Variants in SDK2 observed in about 807,000 individuals in gnomAD.
SDK2 encodes the protein protein sidekick-2.
A neutral mutation model predicts 253.9 loss-of-function variants in SDK2; 105 were observed. That is an observed-to-expected ratio of 0.41 (90% CI 0.35 to 0.49). The LOEUF is 0.49. SDK2 is among the 20% of genes least tolerant of loss of function. SDK2 has a pLI of 0.06. For synonymous variants in SDK2, 1,249 were observed against 1,234.9 expected, an observed-to-expected ratio of 1.01 and a Z score of -0.24; for missense variants, 2,608 against 3,003.0, an observed-to-expected ratio of 0.87 and a Z score of 3.07.
chr17:73,437,599 CTGCTCAGACAG>C (rs1180280486), intron 8 of SDK2, 129 bp downstream of exon 8: 1 of 757,928 alleles, frequency 1.3e-6, no homozygotes, highest in Non-Finnish European at 2.3e-6. Flanking sequence ...CCTGGGGTGC[CTGCTCAGACAG>C]CCAGACAGAC....
chr17:73,581,302 T>C (rs1414057943), intron 1 of SDK2, among the ~76,000 whole-genome samples: 1 of 152,226 alleles, frequency 6.6e-6, no homozygotes, highest in Non-Finnish European at 1.5e-5. Flanking sequence ...GCAAACTAGG[T>C]AGCCAGTCCC....
At chr17:73,448,133 C>T (rs1352635467) in intron 4 of SDK2, among the ~76,000 whole-genome samples, 2 of 152,214 alleles carry the variant, frequency 1.3e-5, no homozygotes, top group African/African-American at 2.4e-5. Context: ...GCATGATGTA[C>T]ATCCAGACAC....
chr17:73,573,144 C>T lies in SDK2; in HGVS notation c.65-65547G>A, dbSNP rs144469525. ...CCATCCTCCACTTCCTCACAATCAGCACCCCCAGACACCTTCCCAATGTCT... is the reference window on the plus strand; with the variant it reads ...CCATCCTCCACTTCCTCACAATCAGTACCCCCAGACACCTTCCCAATGTCT... On this transcript the variant is annotated intron_variant, in intron 1 of 44. Transcript: ENST00000392650. Among the ~76,000 whole-genome samples the T allele has an allele frequency of 3.5e-4, 53 of 152,314 alleles. No homozygotes were observed. In the East Asian group the frequency reaches 0.01, roughly 29 times the overall value.
At position 73,534,178 on chromosome 17, in the gene SDK2, A is replaced by G. The variant is rs2064195369; in HGVS notation, c.65-26581T>C. 6.6e-6 allele frequency among the ~76,000 whole-genome samples: 1 copy of G among 152,222 alleles called. No individual in the cohort carries two copies. Among genetic ancestry groups the G allele is most frequent in the South Asian group, 2.1e-4 (1 of 4,832 alleles). ...TTATTCAGCAACCACGGGACAATGC[A>G]GTGCAATGGCTGGTAGGAGAGACTC... On this transcript the variant is annotated intron_variant, in intron 1 of 44. Coordinates refer to ENST00000392650, the MANE Select transcript of SDK2 (RefSeq NM_001144952.2). The surrounding 1 kb of genome is among the most constrained non-coding windows in gnomAD (Gnocchi z 4.9).
Position 73,350,724 on chromosome 17 carries a change from A to C in SDK2, c.5825T>G (p.Ile1942Ser), listed in dbSNP as rs775772636. The change falls in exon 42 of 45, where the codon ATC becomes AGC. Residue 1942 changes from isoleucine (I) to serine (S), a missense_variant. By Grantham distance (142) the Ile-to-Ser change is moderately radical (BLOSUM62 -2). Transcript: ENST00000392650. ...CACGAAGACCAGAAGCAGGATGAAG[A>C]TGAGGCCGACCAGGGCAATGACCAC... ...FLVVIALVGL[I>S]FILLLVFVLI... 6.2e-7 allele frequency: 1 copy of C among 1,613,672 alleles called. No homozygotes were observed. Among genetic ancestry groups the C allele is most frequent in the Non-Finnish European group, 8.5e-7 (1 of 1,179,796 alleles).
intron 1 of SDK2, among the ~76,000 whole-genome samples, chr17:73,590,848 T>C (rs918930172): frequency 6.6e-6 from 1 of 152,192 alleles, no homozygotes; most frequent in Non-Finnish European, 1.5e-5. Flanking sequence ...CTGCCCAGAC[T>C]GCCACCACCG....
At position 73,610,198 on chromosome 17, in the gene SDK2, C is replaced by G. The variant is rs1037370256; in HGVS notation, c.64+33827G>C. ...GGGGCTGAAGCTCCCTGAAAGTATA[C>G]CCTAAAAGTTGTGTGCCCATGCACA... On this transcript the variant is annotated intron_variant, in intron 1 of 44. Transcript: ENST00000392650. 3.9e-5 allele frequency among the ~76,000 whole-genome samples: 6 copies of G among 152,204 alleles called. 1 individual carries two copies. The highest frequency in any genetic ancestry group is 3.9e-4 in the Admixed American group (6 of 15,290).
chr17:73,563,329 T>C (rs2045266115), intron 1 of SDK2, among the ~76,000 whole-genome samples: 1 of 152,204 alleles, frequency 6.6e-6, no homozygotes, highest in Non-Finnish European at 1.5e-5. Context: ...ATCCCAACAC[T>C]TTGGGAGGCG....
intron 1 of SDK2, among the ~76,000 whole-genome samples, chr17:73,584,925 G>A (rs139631440): frequency 6.6e-5 from 10 of 152,352 alleles, no homozygotes; most frequent in African/African-American, 1.7e-4. Flanking sequence ...TACAGGTGAC[G>A]GATGCTGATG....
intron 40 of SDK2, 164 bp downstream of exon 40, chr17:73,357,915 C>T (rs778711874): frequency 1.2e-5 from 13 of 1,104,508 alleles, no homozygotes; most frequent in Non-Finnish European, 1.6e-5. Flanking sequence ...TCTAGGAGCC[C>T]CCCAACCCAG....
At chr17:73,349,020 G>A (rs1440788334) in intron 43 of SDK2, among the ~76,000 whole-genome samples, 1 of 152,238 alleles carries the variant, frequency 6.6e-6, no homozygotes. Flanking sequence ...CTGCTTTGGT[G>A]CAAACGGGAT....
rs185116504 is a variant in SDK2, at chr17:73,458,055, T to C, written c.332-2002A>G. ...GCACAGTGGAGTGATCATGGCTCAC[T>C]GCAGCTTCAACCTCTTGGGCTCAAG... On this transcript the variant is annotated intron_variant, in intron 3 of 44. Transcript: ENST00000392650. Among the ~76,000 whole-genome samples the C allele has an allele frequency of 3.6e-3, 549 of 152,290 alleles. 4 individuals are homozygous for C. The highest frequency in any genetic ancestry group is 0.013 in the African/African-American group (529 of 41,560).
intron 1 of SDK2, among the ~76,000 whole-genome samples, chr17:73,636,281 C>T (rs1036163006): frequency 2.0e-5 from 3 of 152,212 alleles, no homozygotes; most frequent in African/African-American, 7.2e-5. Context: ...AGGACTGAGG[C>T]AGACGATGGT....
intron 5 of SDK2, among the ~76,000 whole-genome samples, chr17:73,442,633 G>A (rs1317093347): frequency 6.6e-6 from 1 of 152,084 alleles, no homozygotes; most frequent in African/African-American, 2.4e-5. Flanking sequence ...GAGCCACCAC[G>A]CCTGGCCAAC....
At chr17:73,417,004 TATATC>T (rs1442113487) in intron 16 of SDK2, among the ~76,000 whole-genome samples, 3 of 152,236 alleles carry the variant, frequency 2.0e-5, no homozygotes, top group East Asian at 3.8e-4. Context: ...AAGAAAAAGT[TATATC>T]ATAAATGCAT....
chr17:73,482,808 G>C (rs2063734409), intron 2 of SDK2, among the ~76,000 whole-genome samples: 1 of 152,240 alleles, frequency 6.6e-6, no homozygotes, highest in Admixed American at 6.5e-5. Context: ...TACTCCTCCT[G>C]GGTGAGCGGG....
chr17:73,557,300 C>G (rs2045157935), intron 1 of SDK2, among the ~76,000 whole-genome samples: 1 of 133,316 alleles, frequency 7.5e-6, no homozygotes, highest in South Asian at 2.5e-4. Context: ...GCTGCTGTAC[C>G]TCGAGATTTT....
intron 44 of SDK2, among the ~76,000 whole-genome samples, chr17:73,339,691 CTA>C (rs1568356520): frequency 6.6e-6 from 1 of 151,158 alleles, no homozygotes; most frequent in East Asian, 2.0e-4. Context: ...GTAGCCAGGA[CTA>C]TGGGTGCATG....
Position 73,487,470 on chromosome 17 carries a change from A to C in SDK2, c.225-15252T>G, listed in dbSNP as rs1599612633. Among the ~76,000 whole-genome samples, 3 of 152,338 alleles carry C rather than the reference A, an allele frequency of 2.0e-5. No individual in the cohort carries two copies. The South Asian group carries it at 6.2e-4, about 32-fold the overall frequency. On this transcript the variant is annotated intron_variant, in intron 2 of 44. Transcript: ENST00000392650. The stretch of plus-strand genomic sequence containing the variant: ...GGCTGGGGAAGCAGGTTCAGCCAGC[A>C]GGCAACTGACAGATGGGGCGGGAGG...
Sources: allele counts gnomAD v4.1 joint callset (sites outside exome capture counted in the v4.1 genomes callset), GRCh38; gene constraint gnomAD v4.1.1; non-coding constraint Gnocchi (gnomAD v3.1); transcripts MANE v1.5; gene names NCBI Gene and HGNC (gene_info 2026-07-23, HGNC 2026-07-21).